The following HLCS variants were observed in gnomAD, a reference collection of about 807,000 sequenced individuals.
HLCS encodes the protein holocarboxylase synthetase.
HLCS carries 53 observed loss-of-function variants against 75.0 expected under a neutral mutation model. The observed-to-expected ratio is 0.71, with a 90% CI of 0.57 to 0.89. The LOEUF (loss-of-function observed/expected upper bound fraction) is 0.89. HLCS is among the 40% of genes least tolerant of loss of function. The pLI is 0.00. For missense variants in HLCS, 966 were observed against 1,074.0 expected (o/e 0.90, Z 1.41); for synonymous variants, 431 against 428.6 (o/e 1.01, Z -0.07).
intron 6 of HLCS, among the ~76,000 whole-genome samples, chr21:36,860,204 CT>C (rs1266540572): frequency 6.6e-6 from 1 of 152,082 alleles, no homozygotes; most frequent in African/African-American, 2.4e-5. Flanking sequence ...ATTACTATTC[CT>C]TTTTTTCAAA....
chr21:36,806,928 C>T (rs919555002), intron 6 of HLCS, among the ~76,000 whole-genome samples: 27 of 152,146 alleles, frequency 1.8e-4, no homozygotes, highest in South Asian at 6.2e-4. Flanking sequence ...GGGGTGGCTC[C>T]GCCTCCACTT....
chr21:36,978,017 T>A (rs1030700640), intron 1 of HLCS, among the ~76,000 whole-genome samples: 2 of 152,166 alleles, frequency 1.3e-5, no homozygotes, highest in African/African-American at 2.4e-5. Flanking sequence ...TCGAGTTGCC[T>A]TTTTCAGGCA....
At chr21:36,850,077 G>A (rs1177401532) in intron 6 of HLCS, among the ~76,000 whole-genome samples, 1 of 152,162 alleles carries the variant, frequency 6.6e-6, no homozygotes, top group Admixed American at 6.5e-5. Flanking sequence ...AGAGAGCAGA[G>A]GTGAGAAGAA....
intron 1 of HLCS, among the ~76,000 whole-genome samples, chr21:36,986,334 A>G (rs1234227754): frequency 6.6e-6 from 1 of 152,240 alleles, no homozygotes; most frequent in Non-Finnish European, 1.5e-5. Flanking sequence ...GTATTCTGTT[A>G]CGGAAGCATA....
intron 6 of HLCS, among the ~76,000 whole-genome samples, chr21:36,793,509 C>A (rs2060935902): frequency 6.6e-6 from 1 of 151,866 alleles, no homozygotes; most frequent in African/African-American, 2.4e-5. Flanking sequence ...TCCATGTTGG[C>A]CAGGCTGGTC....
At chr21:36,759,582 C>A (rs2089745730) in intron 9 of HLCS, 145 bp downstream of exon 9, 1 of 661,758 alleles carries the variant, frequency 1.5e-6, no homozygotes, top group East Asian at 2.8e-5. Context: ...AATCTCTCTG[C>A]ATCTATACCC....
intron 5 of HLCS, among the ~76,000 whole-genome samples, chr21:36,917,486 T>C (rs2065981761): frequency 6.6e-6 from 1 of 152,176 alleles, no homozygotes; most frequent in Non-Finnish European, 1.5e-5. Flanking sequence ...GTTCAGTATA[T>C]GCAGAATCAG....
intron 6 of HLCS, among the ~76,000 whole-genome samples, chr21:36,871,340 C>A (rs1471109009): frequency 2.0e-5 from 3 of 151,958 alleles, no homozygotes; most frequent in Non-Finnish European, 4.4e-5. Context: ...AGCAAGTTAC[C>A]AAAAGTAACA....
intron 5 of HLCS, among the ~76,000 whole-genome samples, chr21:36,906,636 A>C (rs1218191560): frequency 6.6e-6 from 1 of 151,960 alleles, no homozygotes; most frequent in Non-Finnish European, 1.5e-5. Context: ...CTTCAAATTA[A>C]TCTATGGGTT....
At chr21:36,802,841 C>T (rs117182136) in intron 6 of HLCS, among the ~76,000 whole-genome samples, 2 of 152,254 alleles carry the variant, frequency 1.3e-5, no homozygotes, top group East Asian at 3.9e-4. Context: ...CAGGCTTTCA[C>T]CAGTCCATAG....
rs144940111 is a variant in HLCS, at chr21:36,831,643, A to G, written c.1893-64358T>C. ...GGTTGCAGTGAGCCAAGATCATGCC[A>G]CTGCACTTCAGCCTGGGCAACAGAG... On this transcript the variant is annotated intron_variant, in intron 6 of 10. Coordinates refer to ENST00000674895, the MANE Select transcript of HLCS (RefSeq NM_001352514.2). Among the ~76,000 whole-genome samples, 665 of 152,296 alleles carry G rather than the reference A, an allele frequency of 4.4e-3. 7 individuals carry two copies. The highest frequency in any genetic ancestry group is 0.016 in the African/African-American group (650 of 41,578).
At chr21:36,848,414 C>T (rs980803497) in intron 6 of HLCS, among the ~76,000 whole-genome samples, 10 of 151,872 alleles carry the variant, frequency 6.6e-5, no homozygotes, top group African/African-American at 2.4e-4. Flanking sequence ...GGATTACAGG[C>T]ACGCCCCACC....
chr21:36,837,674 G>C (rs1176758035), intron 6 of HLCS, among the ~76,000 whole-genome samples: 2 of 152,172 alleles, frequency 1.3e-5, no homozygotes, highest in African/African-American at 4.8e-5. Flanking sequence ...AGAAGAATAA[G>C]GATTAGTAAG....
intron 5 of HLCS, among the ~76,000 whole-genome samples, chr21:36,910,212 A>T (rs1197332182): frequency 6.6e-6 from 1 of 152,236 alleles, no homozygotes; most frequent in Non-Finnish European, 1.5e-5. Context: ...CACTCACAGG[A>T]CAAAGCCAGA....
At chr21:36,985,119 T>A (rs1216937722) in intron 1 of HLCS, among the ~76,000 whole-genome samples, 1 of 152,206 alleles carries the variant, frequency 6.6e-6, no homozygotes, top group Non-Finnish European at 1.5e-5. Context: ...AATGATCAGA[T>A]GCAGAAAATT....
intron 6 of HLCS, among the ~76,000 whole-genome samples, chr21:36,883,413 TA>T (rs1162035672): frequency 1.3e-5 from 2 of 152,224 alleles, no homozygotes; most frequent in Admixed American, 6.5e-5. Context: ...AGATTTTGAC[TA>T]AAACATATTT....
At position 36,891,386 on chromosome 21, in the gene HLCS, T is replaced by C. The variant is rs145070676; in HGVS notation, c.1892+5474A>G. Reference sequence around the variant, plus strand: ...AGCCACTTCTATTTTCAGATATCTGTTGCACACAGTGAAACCTAATCTTAA... The same window carrying C: ...AGCCACTTCTATTTTCAGATATCTGCTGCACACAGTGAAACCTAATCTTAA... On this transcript the variant is annotated intron_variant, in intron 6 of 10. Coordinates refer to ENST00000674895, the MANE Select transcript of HLCS (RefSeq NM_001352514.2). Among the ~76,000 whole-genome samples, 796 of 152,234 alleles carry C rather than the reference T, an allele frequency of 5.2e-3. 6 individuals are homozygous for C. Among genetic ancestry groups the C allele is most frequent in the Non-Finnish European group, 8.2e-3 (558 of 68,002 alleles).
At chr21:36,911,674 G>A (rs1177344413) in intron 5 of HLCS, among the ~76,000 whole-genome samples, 7 of 148,880 alleles carry the variant, frequency 4.7e-5, no homozygotes, top group Non-Finnish European at 7.4e-5. Flanking sequence ...GTGTGGACTC[G>A]GGAGGCGGAG....
At chr21:36,860,335 T>TCCAGGAAGC (rs2063340803) in intron 6 of HLCS, among the ~76,000 whole-genome samples, 1 of 147,768 alleles carries the variant, frequency 6.8e-6, no homozygotes, top group African/African-American at 2.5e-5. Context: ...CTCCAGGAAG[T>TCCAGGAAGC]CACACCCCTC....
Sources: allele counts gnomAD v4.1 joint callset (sites outside exome capture counted in the v4.1 genomes callset), GRCh38; gene constraint gnomAD v4.1.1; transcripts MANE v1.5; gene names NCBI Gene and HGNC (gene_info 2026-07-23, HGNC 2026-07-21).